The following CYP4Z1 variants were observed in gnomAD, a reference collection of about 807,000 sequenced individuals.
The protein encoded by CYP4Z1 is cytochrome P450 4Z1.
Under a neutral mutation model 54.2 loss-of-function variants are expected in CYP4Z1, and 41 were observed. That is an observed-to-expected ratio of 0.76 (90% confidence interval 0.59 to 0.98). The LOEUF is 0.98. Among genes scored for constraint, CYP4Z1 ranks in the 50% least tolerant of loss-of-function variants. CYP4Z1 has a pLI of 0.00. For missense variants in CYP4Z1, 513 were observed against 599.0 expected, an observed-to-expected ratio of 0.86 and a Z score of 1.50; for synonymous variants, 163 against 206.2, an observed-to-expected ratio of 0.79 and a Z score of 1.79.
chr1:47,077,910 T>G (rs1160311129), intron 2 of CYP4Z1, among the ~76,000 whole-genome samples: 1 of 152,190 alleles, frequency 6.6e-6, no homozygotes, highest in African/African-American at 2.4e-5. Context: ...TGACCCACTG[T>G]GCTCAGCCTG....
At chr1:47,098,158 C>T (rs780926044) in intron 7 of CYP4Z1, among the ~76,000 whole-genome samples, 45 of 152,136 alleles carry the variant, frequency 3.0e-4, no homozygotes, top group Admixed American at 2.0e-4. Flanking sequence ...TATGAAGAAT[C>T]TCAATAGTAG....
chr1:47,110,737 A>C (rs147942024), intron 9 of CYP4Z1, among the ~76,000 whole-genome samples: 2,346 of 151,618 alleles, frequency 0.015, 25 homozygotes, highest in South Asian at 0.05. Context: ...CTGGAACCAA[A>C]AATTGAAAAA....
chr1:47,105,646 T>G (rs1459821757), intron 8 of CYP4Z1, among the ~76,000 whole-genome samples: 2 of 152,220 alleles, frequency 1.3e-5, no homozygotes, highest in African/African-American at 2.4e-5. Flanking sequence ...CTCCCTTAGA[T>G]GATCTATTTG....
chr1:47,067,897 A>G (rs945945713), intron 1 of CYP4Z1, among the ~76,000 whole-genome samples: 1 of 152,128 alleles, frequency 6.6e-6, no homozygotes, highest in African/African-American at 2.4e-5. Flanking sequence ...TGTGCTACCC[A>G]CCTCATAAAT....
chr1:47,091,939 T>C (rs1040357259), intron 6 of CYP4Z1, among the ~76,000 whole-genome samples: 7 of 151,378 alleles, frequency 4.6e-5, no homozygotes, highest in Non-Finnish European at 8.8e-5. Context: ...CTGGCTCTAA[T>C]GTTCAGAAGG....
At chr1:47,055,882 A>G in the CYP4Z1 span, among the ~76,000 whole-genome samples, 1 of 151,948 alleles carries the variant, frequency 6.6e-6, no homozygotes, top group Non-Finnish European at 1.5e-5. Flanking sequence ...TCCTGGATTC[A>G]TTGATTTTTT....
At chr1:47,074,336 T>C (rs1290719958) in intron 2 of CYP4Z1, among the ~76,000 whole-genome samples, 49 of 148,136 alleles carry the variant, frequency 3.3e-4, no homozygotes, top group Non-Finnish European at 2.2e-4. Flanking sequence ...CCAGAGTGTC[T>C]ATTGTTGCCA....
chr1:47,058,271 T>G, the CYP4Z1 span, among the ~76,000 whole-genome samples: 3 of 152,052 alleles, frequency 2.0e-5, no homozygotes, highest in Non-Finnish European at 4.4e-5. Context: ...ATAATTATTT[T>G]TATTATAATT....
chr1:47,069,031 A>G (rs1185712073), intron 2 of CYP4Z1, among the ~76,000 whole-genome samples: 1 of 152,076 alleles, frequency 6.6e-6, no homozygotes, highest in Non-Finnish European at 1.5e-5. Flanking sequence ...CTTACCTCAG[A>G]CCCCCAGGAC....
chr1:47,109,898 C>T (rs6682257), intron 9 of CYP4Z1, among the ~76,000 whole-genome samples: 43,900 of 150,772 alleles, frequency 0.29, 6,919 homozygotes, highest in East Asian at 0.66. Context: ...AGATGACAAA[C>T]CACCAAAAGT....
intron 3 of CYP4Z1, among the ~76,000 whole-genome samples, chr1:47,082,131 T>C (rs1228503615): frequency 6.6e-6 from 1 of 151,914 alleles, no homozygotes; most frequent in Non-Finnish European, 1.5e-5. Flanking sequence ...GGACCTTTTT[T>C]TGAGTTCATT....
At chr1:47,098,194 TA>T (rs1644692607) in intron 7 of CYP4Z1, among the ~76,000 whole-genome samples, 1 of 152,232 alleles carries the variant, frequency 6.6e-6, no homozygotes, top group Non-Finnish European at 1.5e-5. Context: ...ATTGAATCTA[TA>T]AATCGCTTTG....
chr1:47,096,170 C>T (rs1439607260), intron 7 of CYP4Z1, among the ~76,000 whole-genome samples: 6 of 152,136 alleles, frequency 3.9e-5, no homozygotes, highest in Admixed American at 6.5e-5. Context: ...TGTAATCCAG[C>T]GACTCAGAAG....
At chr1:47,106,988 T>C (rs763207178) in intron 9 of CYP4Z1, among the ~76,000 whole-genome samples, 4 of 152,212 alleles carry the variant, frequency 2.6e-5, no homozygotes, top group Non-Finnish European at 4.4e-5. Context: ...CTTTCAAATA[T>C]TGGATTTGAT....
intron 2 of CYP4Z1, among the ~76,000 whole-genome samples, chr1:47,073,959 CTT>C (rs1352723961): frequency 2.0e-5 from 3 of 151,614 alleles, no homozygotes; most frequent in South Asian, 2.1e-4. Flanking sequence ...TGAAATCTAA[CTT>C]ATTTATTTTT....
chr1:47,083,737 T>G (rs1417800806), intron 4 of CYP4Z1, among the ~76,000 whole-genome samples: 4 of 152,056 alleles, frequency 2.6e-5, no homozygotes, highest in Non-Finnish European at 5.9e-5. Flanking sequence ...TCTCTTCGAG[T>G]CTAAGGCTCC....
chr1:47,093,460 G>C (rs1644654388), intron 6 of CYP4Z1, among the ~76,000 whole-genome samples: 1 of 152,192 alleles, frequency 6.6e-6, no homozygotes, highest in African/African-American at 2.4e-5. Context: ...AATCTGCCCG[G>C]CTCCCCAAAA....
chr1:47,086,136 A>T (rs796548714), intron 6 of CYP4Z1, among the ~76,000 whole-genome samples: 4 of 152,100 alleles, frequency 2.6e-5, no homozygotes, highest in Admixed American at 6.6e-5. Flanking sequence ...CTATTGTGAA[A>T]AGTGCCACAG....
chr1:47,077,509 C>G (rs1604622), intron 2 of CYP4Z1, among the ~76,000 whole-genome samples: 152 of 152,248 alleles, frequency 1.0e-3, no homozygotes, highest in African/African-American at 3.2e-3. Flanking sequence ...CATTTTTTTA[C>G]TCCATTCTGC....
Sources: allele counts gnomAD v4.1 joint callset (sites outside exome capture counted in the v4.1 genomes callset), GRCh38; gene constraint gnomAD v4.1.1; transcripts MANE v1.5; gene names NCBI Gene and HGNC (gene_info 2026-07-23, HGNC 2026-07-21).